The following RAD51B variants were observed in gnomAD, a reference collection of about 807,000 sequenced individuals.
RAD51B encodes the protein DNA repair protein RAD51 homolog 2.
A neutral mutation model predicts 42.2 loss-of-function variants in RAD51B; 38 were observed. The ratio of observed to expected loss-of-function variants is 0.90; its 90% CI spans 0.70 to 1.18. The LOEUF is 1.18. Ranked by LOEUF, RAD51B falls within the 50% of genes most tolerant of loss-of-function variation. RAD51B has a pLI of 0.00. For missense variants in RAD51B, 373 were observed against 400.7 expected (o/e 0.93, Z 0.59); for synonymous variants, 154 against 145.2 (o/e 1.06, Z -0.43).
intron 9 of RAD51B, among the ~76,000 whole-genome samples, chr14:68,445,808 T>C (rs1303764419): frequency 1.3e-5 from 2 of 152,222 alleles, no homozygotes; most frequent in African/African-American, 2.4e-5. Flanking sequence ...TGAGCAGGTA[T>C]ACAGAAAGTG....
chr14:68,674,545 AT>A (rs1430779179), intron 11 of RAD51B, among the ~76,000 whole-genome samples: 1 of 151,952 alleles, frequency 6.6e-6, no homozygotes, highest in East Asian at 1.9e-4. Flanking sequence ...TACCAATTTT[AT>A]TTTTTTATTT....
chr14:68,683,066 T>G (rs1247863311), intron 11 of RAD51B: 1 of 654,230 alleles, frequency 1.5e-6, no homozygotes, highest in African/African-American at 2.0e-5. Flanking sequence ...GTTATTTTTT[T>G]CTGTCAGAAA....
intron 10 of RAD51B, among the ~76,000 whole-genome samples, chr14:68,524,492 C>G (rs953340797): frequency 1.3e-5 from 2 of 152,126 alleles, no homozygotes; most frequent in African/African-American, 4.8e-5. Flanking sequence ...TACGCTGCTG[C>G]CCTGGGAAAC....
intron 4 of RAD51B, among the ~76,000 whole-genome samples, chr14:67,858,586 G>A (rs2042069218): frequency 6.6e-6 from 1 of 152,228 alleles, no homozygotes; most frequent in Non-Finnish European, 1.5e-5. Context: ...AGACAGTGTG[G>A]AAAACGAATT....
chr14:68,290,831 A>T (rs1403756426), intron 7 of RAD51B, among the ~76,000 whole-genome samples: 1 of 150,914 alleles, frequency 6.6e-6, no homozygotes, highest in Non-Finnish European at 1.5e-5. Context: ...TTTGAGACAG[A>T]GTTTCTCTCT....
chr14:68,444,232 T>C (rs1225182000), intron 9 of RAD51B, among the ~76,000 whole-genome samples: 2 of 152,218 alleles, frequency 1.3e-5, no homozygotes, highest in Admixed American at 1.3e-4. Flanking sequence ...TTGTATTTGT[T>C]GACTTAAATA....
At chr14:68,367,995 A>G (rs1385149287) in intron 8 of RAD51B, among the ~76,000 whole-genome samples, 3 of 152,226 alleles carry the variant, frequency 2.0e-5, no homozygotes, top group African/African-American at 4.8e-5. Context: ...TCTTATCTTA[A>G]TAGCTATCTT....
intron 5 of RAD51B, among the ~76,000 whole-genome samples, chr14:67,868,174 C>T (rs190076333): frequency 1.2e-4 from 18 of 152,266 alleles, no homozygotes; most frequent in South Asian, 4.1e-4. Flanking sequence ...TCTGAGGTAC[C>T]GGGTTCATCT....
chr14:68,182,417 A>T (rs1044364203), intron 7 of RAD51B, among the ~76,000 whole-genome samples: 1 of 152,224 alleles, frequency 6.6e-6, no homozygotes, highest in Non-Finnish European at 1.5e-5. Context: ...TGAACAGAGA[A>T]TATGTGAGTT....
At chr14:68,672,986 G>C (rs1416623620) in intron 11 of RAD51B, among the ~76,000 whole-genome samples, 2 of 152,146 alleles carry the variant, frequency 1.3e-5, no homozygotes, top group African/African-American at 2.4e-5. Context: ...TGGGTTTTTT[G>C]CTGTTTGTAA....
downstream of RAD51B, among the ~76,000 whole-genome samples, chr14:68,596,841 A>G (rs1566949763): frequency 6.6e-6 from 1 of 152,244 alleles, no homozygotes; most frequent in Non-Finnish European, 1.5e-5. Flanking sequence ...TAATCCCGTC[A>G]GGGGCAGACA....
intron 7 of RAD51B, among the ~76,000 whole-genome samples, chr14:68,278,731 C>T (rs1220058999): frequency 1.3e-5 from 2 of 152,156 alleles, no homozygotes; most frequent in Non-Finnish European, 2.9e-5. Context: ...TGGTCCTGAG[C>T]CTGCTGAGTC....
chr14:68,330,540 G>A (rs1233419520), intron 8 of RAD51B, among the ~76,000 whole-genome samples: 1 of 152,168 alleles, frequency 6.6e-6, no homozygotes, highest in African/African-American at 2.4e-5. Flanking sequence ...TCAAAAGAGT[G>A]TGGAACCACT....
At chr14:68,297,089 A>C (rs2081629531) in intron 8 of RAD51B, among the ~76,000 whole-genome samples, 1 of 152,228 alleles carries the variant, frequency 6.6e-6, no homozygotes, top group African/African-American at 2.4e-5. Flanking sequence ...GAAAAGCTGG[A>C]GTCCATTTGA....
intron 7 of RAD51B, among the ~76,000 whole-genome samples, chr14:68,097,018 C>T (rs1236343622): frequency 3.9e-5 from 6 of 152,180 alleles, no homozygotes; most frequent in Admixed American, 3.9e-4. Context: ...CTCATTCCTC[C>T]TAGAAGTATC....
At chr14:68,426,858 C>A (rs1271073582) in intron 9 of RAD51B, among the ~76,000 whole-genome samples, 1 of 152,150 alleles carries the variant, frequency 6.6e-6, no homozygotes, top group African/African-American at 2.4e-5. Flanking sequence ...ATCACAATCC[C>A]GGAGCTCTAG....
intron 8 of RAD51B, among the ~76,000 whole-genome samples, chr14:68,317,377 A>G (rs963695286): frequency 2.6e-5 from 4 of 152,184 alleles, no homozygotes; most frequent in Admixed American, 6.5e-5. Context: ...TAGTGAGACA[A>G]TGTCTCTACC....
intron 8 of RAD51B, among the ~76,000 whole-genome samples, chr14:68,403,110 C>G (rs558671503): frequency 6.6e-6 from 1 of 152,300 alleles, no homozygotes; most frequent in East Asian, 1.9e-4. Context: ...CCATCTTCTT[C>G]CCTGGATTTA....
chr14:68,004,476 AT>A (rs2075546852), intron 7 of RAD51B, among the ~76,000 whole-genome samples: 1 of 151,442 alleles, frequency 6.6e-6, no homozygotes, highest in Non-Finnish European at 1.5e-5. Flanking sequence ...TTCATTTTCT[AT>A]TCTCTGGAAA....
Sources: allele counts gnomAD v4.1 joint callset (sites outside exome capture counted in the v4.1 genomes callset), GRCh38; gene constraint gnomAD v4.1.1; transcripts MANE v1.5; gene names NCBI Gene and HGNC (gene_info 2026-07-23, HGNC 2026-07-21).